Variants in PPM1E observed in about 807,000 individuals in gnomAD.
The protein encoded by PPM1E is protein phosphatase 1E.
Under a neutral mutation model 65.9 loss-of-function variants are expected in PPM1E, and 20 were observed. That is an observed-to-expected ratio of 0.30 (90% CI 0.21 to 0.44). The LOEUF (loss-of-function observed/expected upper bound fraction) is 0.44, where lower values mean the gene tolerates loss of function less well. Among genes scored for constraint, PPM1E ranks in the 20% least tolerant of loss-of-function variants. The pLI is 1.00. For synonymous variants in PPM1E, 352 were observed against 374.9 expected (o/e 0.94, Z 0.70); for missense variants, 713 against 953.1 (o/e 0.75, Z 3.32).
At chr17:58,897,791 A>G (rs2051441336) in intron 1 of PPM1E, 1 of 152,166 alleles carries the variant, frequency 6.6e-6, no homozygotes, top group South Asian at 2.1e-4. Context: ...TGAGGAAGCC[A>G]TTGCTGCTGA....
chr17:58,840,418 A>G (rs1319399127), intron 1 of PPM1E, among the ~76,000 whole-genome samples: 1 of 152,256 alleles, frequency 6.6e-6, no homozygotes, highest in Admixed American at 6.5e-5. Flanking sequence ...CAGGCATTAC[A>G]GAGGCTTAGA....
rs1447590620 is a variant in PPM1E at position 58,972,190 on chromosome 17, TG to T, written c.1033del (p.Ala345ProfsTer11). 6.2e-7 allele frequency: 1 copy of T among 1,614,126 alleles called. No individual in the cohort carries two copies. Among genetic ancestry groups the T allele is most frequent in the Non-Finnish European group, 8.5e-7 (1 of 1,179,982 alleles). Reference protein sequence around the residue: ...VTFIRGNMLHVAWVGDSQVML... With the variant: ...VTFIRGNMLHXAWVGDSQVML... ...TTCATCAGAGGCAACATGCTACATGTGGCCTGGGTGGGTGATTCCCAGGTTA... is the reference window on the plus strand; with the variant it reads ...TTCATCAGAGGCAACATGCTACATGTGCCTGGGTGGGTGATTCCCAGGTTA... On this transcript the variant is annotated frameshift_variant, in exon 5 of 7. Coordinates refer to ENST00000308249, the MANE Select transcript of PPM1E (RefSeq NM_014906.5). LOFTEE classifies it high-confidence loss of function.
intron 1 of PPM1E, among the ~76,000 whole-genome samples, chr17:58,939,385 A>G (rs184292511): frequency 4.6e-5 from 7 of 152,332 alleles, no homozygotes; most frequent in Admixed American, 2.6e-4. Flanking sequence ...ATTCATGACT[A>G]TAAGTTTTGT....
chr17:58,932,104 T>C (rs1467945676), intron 1 of PPM1E, among the ~76,000 whole-genome samples: 1 of 151,972 alleles, frequency 6.6e-6, no homozygotes, highest in Non-Finnish European at 1.5e-5. Flanking sequence ...AGCAAGACCC[T>C]GTCTTTTTTC....
intron 1 of PPM1E, among the ~76,000 whole-genome samples, chr17:58,849,721 TGTG>T (rs1287417382): frequency 6.6e-6 from 1 of 152,220 alleles, no homozygotes; most frequent in East Asian, 1.9e-4. Flanking sequence ...ATAAGTGTGA[TGTG>T]GTGCTGAGAA....
At chr17:58,852,979 A>G (rs2050843480) in intron 1 of PPM1E, among the ~76,000 whole-genome samples, 1 of 151,934 alleles carries the variant, frequency 6.6e-6, no homozygotes, top group African/African-American at 2.4e-5. Context: ...TTTGGTTTTT[A>G]TATTGTTGAG....
chr17:58,927,122 CTTTTTTTTTTTTT>C (rs533990179), intron 1 of PPM1E, among the ~76,000 whole-genome samples: 3 of 124,630 alleles, frequency 2.4e-5, no homozygotes, highest in African/African-American at 6.1e-5. Flanking sequence ...GACTTTTAAA[CTTTTTTTTTTTTT>C]TTTTTTTTTG....
chr17:58,851,259 C>T (rs571443507), intron 1 of PPM1E, among the ~76,000 whole-genome samples: 1 of 152,264 alleles, frequency 6.6e-6, no homozygotes, highest in African/African-American at 2.4e-5. Flanking sequence ...TATTACCGAT[C>T]GTCTGAAGCC....
At chr17:58,785,695 G>A (rs2050093801) in intron 1 of PPM1E, 1 of 151,612 alleles carries the variant, frequency 6.6e-6, no homozygotes, top group Non-Finnish European at 1.5e-5. Context: ...CCCAGTCTTA[G>A]GGGGATGCGT....
chr17:58,955,251 G>A (rs906669044), intron 1 of PPM1E, among the ~76,000 whole-genome samples: 2 of 152,228 alleles, frequency 1.3e-5, no homozygotes, highest in South Asian at 4.2e-4. Flanking sequence ...TGTAGTCCCA[G>A]CTGCTTGAAA....
chr17:58,911,037 T>G (rs2051621501), intron 1 of PPM1E, among the ~76,000 whole-genome samples: 1 of 152,136 alleles, frequency 6.6e-6, no homozygotes, highest in South Asian at 2.1e-4. Context: ...TGGGTCTTCC[T>G]GGAGTTTTTG....
intron 1 of PPM1E, among the ~76,000 whole-genome samples, chr17:58,853,305 A>G (rs2050846859): frequency 6.6e-6 from 1 of 152,116 alleles, no homozygotes. Flanking sequence ...GGTAAGGTCC[A>G]ATTTCATTCT....
intron 3 of PPM1E, 40 bp from the exon 4 acceptor site, chr17:58,969,499 A>G (rs767211425): frequency 2.6e-5 from 41 of 1,595,814 alleles, no homozygotes; most frequent in African/African-American, 1.1e-4. Context: ...GAATCATGCT[A>G]TACCCAACTC....
rs1270345153 is a variant in PPM1E at position 58,984,193 on chromosome 17, C to G, written c.*3162C>G. 1 of 152,626 alleles carries G rather than the reference C, an allele frequency of 6.6e-6. No homozygotes were observed. The highest frequency in any genetic ancestry group is 1.5e-5 in the Non-Finnish European group (1 of 68,038). The allele number at this position is 152,626 out of a possible 1,614,324, so 9.5% of individuals were successfully genotyped here. A position where few individuals can be genotyped will look rare whatever the true frequency, so the allele number is the denominator to read the frequency against. On this transcript the variant is annotated 3_prime_UTR_variant, in exon 7 of 7. Coordinates refer to ENST00000308249, the MANE Select transcript of PPM1E (RefSeq NM_014906.5). Reference sequence around the variant, plus strand: ...TTGAAAGTAACACCTTTTCCAAGGACAATGGCAACAATGTCAATGTCAACA... The same window carrying G: ...TTGAAAGTAACACCTTTTCCAAGGAGAATGGCAACAATGTCAATGTCAACA...
At chr17:58,817,310 G>T (rs2050436142) in intron 1 of PPM1E, among the ~76,000 whole-genome samples, 1 of 152,088 alleles carries the variant, frequency 6.6e-6, no homozygotes, top group Non-Finnish European at 1.5e-5. Flanking sequence ...GGATCATATG[G>T]TAATTCTATG....
intron 1 of PPM1E, 118 bp downstream of exon 1, chr17:58,756,579 G>A: frequency 8.6e-7 from 1 of 1,157,950 alleles, no homozygotes; most frequent in East Asian, 3.3e-5. Context: ...CCGCACCCGC[G>A]CCTGCCGCCG....
chr17:58,766,019 T>C (rs1158954368), intron 1 of PPM1E, among the ~76,000 whole-genome samples: 1 of 149,200 alleles, frequency 6.7e-6, no homozygotes, highest in East Asian at 2.0e-4. Context: ...TAGCTGGGAT[T>C]ATAGGTGTGC....
chr17:58,972,155 A>T lies in PPM1E; in HGVS notation c.996A>T (p.Gly332=). The change falls in exon 5 of 7, where the codon GGA becomes GGT. Residue 332 remains glycine (G), a synonymous_variant. Coordinates refer to ENST00000308249, the MANE Select transcript of PPM1E (RefSeq NM_014906.5). The stretch of plus-strand genomic sequence containing the variant: ...AGAGCTTAAGATGTGGGACCACAGG[A>T]GTGGTGACTTTCATCAGAGGCAACA... ...ARESLRCGTT[G]VVTFIRGNML... is the part of the protein sequence containing the mutation. 6.2e-7 allele frequency: 1 copy of T among 1,614,032 alleles called. No individual in the cohort carries two copies. Among genetic ancestry groups the T allele is most frequent in the Non-Finnish European group, 8.5e-7 (1 of 1,179,896 alleles).
intron 1 of PPM1E, among the ~76,000 whole-genome samples, chr17:58,785,975 A>AT (rs71367631): frequency 0.25 from 37,191 of 147,702 alleles, 5,376 homozygotes; most frequent in Middle Eastern, 0.42. Context: ...TCAGCATATG[A>AT]TTTTTTTCTT....
Sources: allele counts gnomAD v4.1 joint callset (sites outside exome capture counted in the v4.1 genomes callset), GRCh38; gene constraint gnomAD v4.1.1; transcripts MANE v1.5; gene names NCBI Gene and HGNC (gene_info 2026-07-23, HGNC 2026-07-21).